The following AKAP19 variants were observed in gnomAD, a reference collection of about 807,000 sequenced individuals.
AKAP19 encodes small A-kinase anchoring protein.
chr2:190,172,092 T>C, the AKAP19 span, among the ~76,000 whole-genome samples: 2 of 152,224 alleles, frequency 1.3e-5, no homozygotes, highest in East Asian at 3.8e-4. Context: ...GACTCATTTT[T>C]TTCCCATCCA....
the AKAP19 span, among the ~76,000 whole-genome samples, chr2:189,903,950 A>G: frequency 2.2e-4 from 33 of 152,078 alleles, no homozygotes; most frequent in Non-Finnish European, 4.0e-4. Context: ...AACTGCATCT[A>G]TGTTACTGCT....
the AKAP19 span, among the ~76,000 whole-genome samples, chr2:189,883,404 A>G: frequency 6.6e-6 from 1 of 152,118 alleles, no homozygotes; most frequent in Admixed American, 6.6e-5. Context: ...CAACCTGACT[A>G]TGCTGTTATA....
the AKAP19 span, among the ~76,000 whole-genome samples, chr2:189,970,286 A>G: frequency 6.6e-6 from 1 of 152,244 alleles, no homozygotes; most frequent in East Asian, 1.9e-4. Context: ...CAGCTAAGAC[A>G]TAAAACATTG....
At chr2:190,197,533 GT>G in the AKAP19 span, among the ~76,000 whole-genome samples, 1 of 152,132 alleles carries the variant, frequency 6.6e-6, no homozygotes, top group Non-Finnish European at 1.5e-5. The surrounding 1 kb of genome is among the most constrained non-coding windows in gnomAD (Gnocchi z 4.0). Flanking sequence ...AATTCCAGCT[GT>G]TTTAGTAACC....
chr2:190,202,451 AAATG>A, the AKAP19 span: 2 of 165,192 alleles, frequency 1.2e-5, no homozygotes. Context: ...AAAGATGAAT[AAATG>A]AATAAGAGAG....
At chr2:189,949,652 T>TA in the AKAP19 span, among the ~76,000 whole-genome samples, 4 of 148,162 alleles carry the variant, frequency 2.7e-5, no homozygotes, top group Admixed American at 2.0e-4. Flanking sequence ...TTTTTTTTTT[T>TA]AGAGATGAGT....
the AKAP19 span, among the ~76,000 whole-genome samples, chr2:190,031,394 A>G: frequency 6.6e-6 from 1 of 152,214 alleles, no homozygotes; most frequent in Non-Finnish European, 1.5e-5. Flanking sequence ...CTAACATTTT[A>G]TATCCAATTG....
the AKAP19 span, chr2:190,062,633 G>A: frequency 1.2e-5 from 19 of 1,596,248 alleles, no homozygotes; most frequent in Non-Finnish European, 1.6e-5. Context: ...TCTTGTTCTT[G>A]TTTCTTCCTT....
At chr2:190,008,360 A>G in the AKAP19 span, among the ~76,000 whole-genome samples, 1 of 152,186 alleles carries the variant, frequency 6.6e-6, no homozygotes, top group East Asian at 1.9e-4. Context: ...GACAACTCTT[A>G]TACCATTTAA....
At chr2:189,920,638 G>A in the AKAP19 span, among the ~76,000 whole-genome samples, 1 of 152,176 alleles carries the variant, frequency 6.6e-6, no homozygotes, top group Admixed American at 6.5e-5. Context: ...CTTAATTCCT[G>A]TTTTCAAGGC....
chr2:190,131,470 C>T, the AKAP19 span, among the ~76,000 whole-genome samples: 10 of 152,154 alleles, frequency 6.6e-5, no homozygotes, highest in Non-Finnish European at 1.2e-4. Flanking sequence ...GGTATGGGAG[C>T]TCCATGTGCC....
chr2:190,073,715 C>T, the AKAP19 span, among the ~76,000 whole-genome samples: 1 of 151,908 alleles, frequency 6.6e-6, no homozygotes, highest in Non-Finnish European at 1.5e-5. Flanking sequence ...ACCAGTGTTT[C>T]TTTACCCTGG....
At chr2:190,070,714 T>C in the AKAP19 span, among the ~76,000 whole-genome samples, 1 of 151,524 alleles carries the variant, frequency 6.6e-6, no homozygotes, top group African/African-American at 2.4e-5. Context: ...TGTTAAATAT[T>C]GGATATTTTT....
the AKAP19 span, among the ~76,000 whole-genome samples, chr2:189,901,491 C>T: frequency 6.6e-6 from 1 of 152,070 alleles, no homozygotes; most frequent in Non-Finnish European, 1.5e-5. Flanking sequence ...GCAAATGCCA[C>T]CACACCTGGC....
the AKAP19 span, chr2:190,200,936 A>G: frequency 1.2e-5 from 2 of 167,054 alleles, no homozygotes; most frequent in Non-Finnish European, 2.9e-5. Context: ...TGCAAGGTAG[A>G]AAGTTTCAGT....
chr2:190,101,075 A>G, the AKAP19 span, among the ~76,000 whole-genome samples: 3 of 152,234 alleles, frequency 2.0e-5, no homozygotes, highest in Non-Finnish European at 4.4e-5. Flanking sequence ...TCCCAGACCC[A>G]GTGTTGAGAG....
chr2:189,920,338 TC>T, the AKAP19 span, among the ~76,000 whole-genome samples: 9 of 152,192 alleles, frequency 5.9e-5, no homozygotes, highest in African/African-American at 2.2e-4. Flanking sequence ...AGGATGGCTG[TC>T]CTAGATCCTG....
At chr2:190,054,669 A>T in the AKAP19 span, among the ~76,000 whole-genome samples, 1 of 152,226 alleles carries the variant, frequency 6.6e-6, no homozygotes, top group African/African-American at 2.4e-5. Flanking sequence ...TGGGTGAAGG[A>T]TATGAACAGA....
chr2:190,092,847 T>A, the AKAP19 span, among the ~76,000 whole-genome samples: 1 of 152,116 alleles, frequency 6.6e-6, no homozygotes, highest in Admixed American at 6.5e-5. Context: ...TTATACCAGA[T>A]CAAAGGAGAG....
Sources: allele counts gnomAD v4.1 joint callset (sites outside exome capture counted in the v4.1 genomes callset), GRCh38; gene constraint gnomAD v4.1.1; non-coding constraint Gnocchi (gnomAD v3.1); transcripts MANE v1.5; gene names NCBI Gene and HGNC (gene_info 2026-07-23, HGNC 2026-07-21).